The following TBC1D15 variants were observed in gnomAD, a reference collection of about 807,000 sequenced individuals.
TBC1D15 encodes the protein GAP for RAB7.
A neutral mutation model predicts 95.4 loss-of-function variants in TBC1D15; 39 were observed. That is an observed-to-expected ratio of 0.41 (90% CI 0.32 to 0.53). The LOEUF is 0.53. Ranked by LOEUF, TBC1D15 falls within the 20% of genes least tolerant of loss-of-function variation. The pLI, the probability that TBC1D15 is intolerant of heterozygous loss-of-function variation, is 0.29. For synonymous variants in TBC1D15, 258 were observed against 261.3 expected (o/e 0.99, Z 0.12); for missense variants, 733 against 794.3 (o/e 0.92, Z 0.93).
chr12:71,850,532 C>A, intron 1 of TBC1D15: 1 of 162,338 alleles, frequency 6.2e-6, no homozygotes. Flanking sequence ...TCCACCTCAG[C>A]CTCCCAGGTA....
At chr12:71,862,624 A>G (rs969277006) in intron 1 of TBC1D15, among the ~76,000 whole-genome samples, 4 of 152,166 alleles carry the variant, frequency 2.6e-5, no homozygotes, top group Non-Finnish European at 4.4e-5. Flanking sequence ...TGGGCAATTT[A>G]ATTTGTTTAC....
intron 1 of TBC1D15, among the ~76,000 whole-genome samples, chr12:71,855,315 A>G (rs1888780697): frequency 6.6e-6 from 1 of 152,200 alleles, no homozygotes; most frequent in Non-Finnish European, 1.5e-5. Flanking sequence ...GTCAAACCGT[A>G]TCATTTTGTG....
chr12:71,888,359 G>A (rs142366912), intron 5 of TBC1D15, among the ~76,000 whole-genome samples: 7 of 152,030 alleles, frequency 4.6e-5, no homozygotes, highest in Middle Eastern at 3.4e-3. Context: ...CCAGCTACTC[G>A]GGAGGCTGAG....
intron 1 of TBC1D15, among the ~76,000 whole-genome samples, chr12:71,857,108 T>G (rs1487525657): frequency 6.6e-6 from 1 of 152,020 alleles, no homozygotes; most frequent in Non-Finnish European, 1.5e-5. Context: ...TTAAATTTAT[T>G]ATTTTTTTTC....
rs1240554724 is a variant in TBC1D15 at position 71,894,419 on chromosome 12, G to A, written c.658-267G>A. On this transcript the variant is annotated intron_variant, in intron 6 of 16. Coordinates refer to ENST00000485960, the MANE Select transcript of TBC1D15 (RefSeq NM_001146213.3). ...TTCTGATGTATGCAGATTGAGTGAA[G>A]CCTGCAAATCATTTGTTTATCTGCA... 2.5e-6 allele frequency: 4 copies of A among 1,581,778 alleles called. No homozygotes were observed. In the South Asian group the frequency reaches 4.5e-5, roughly 18 times the overall value.
chr12:71,864,801 G>T (rs530620425), intron 1 of TBC1D15, among the ~76,000 whole-genome samples: 1 of 152,058 alleles, frequency 6.6e-6, no homozygotes, highest in East Asian at 1.9e-4. Flanking sequence ...CACCGTGCCC[G>T]GCCTACCTAC....
Position 71,893,314 on chromosome 12 carries a change from G to A in TBC1D15, c.647G>A (p.Gly216Asp), listed in dbSNP as rs754324319. ...AATCTTCTTGATGAGCCAGCATATG[G>A]TTTAATACAAGTATGTTCCTTAAAT... ...FENLLDEPAY[G>D]LIQKIKKDPY... The change falls in exon 6 of 17, where the codon GGT becomes GAT. Residue 216 changes from glycine to aspartate, a missense_variant. Coordinates refer to ENST00000485960, the MANE Select transcript of TBC1D15 (RefSeq NM_001146213.3). The A allele has an allele frequency of 6.8e-6, 11 of 1,606,476 alleles. No homozygotes were observed. The highest frequency in any genetic ancestry group is 1.7e-4 in the Middle Eastern group (1 of 5,900).
At chr12:71,909,431 C>A (rs1408976819) in intron 11 of TBC1D15, among the ~76,000 whole-genome samples, 2 of 151,976 alleles carry the variant, frequency 1.3e-5, no homozygotes, top group African/African-American at 4.8e-5. Flanking sequence ...CAAAAGCAGA[C>A]AAAAGAATTT....
intron 1 of TBC1D15, among the ~76,000 whole-genome samples, chr12:71,870,802 G>C (rs967841541): frequency 1.3e-5 from 2 of 152,146 alleles, no homozygotes; most frequent in South Asian, 4.1e-4. Flanking sequence ...TAAGGATTAA[G>C]TTACAATATA....
intron 12 of TBC1D15, among the ~76,000 whole-genome samples, chr12:71,914,217 A>C (rs901646604): frequency 6.6e-6 from 1 of 151,940 alleles, no homozygotes; most frequent in African/African-American, 2.4e-5. Flanking sequence ...ATATTGATAA[A>C]ATAGATGAAT....
At chr12:71,890,129 A>G (rs1029010920) in intron 5 of TBC1D15, among the ~76,000 whole-genome samples, 1 of 152,010 alleles carries the variant, frequency 6.6e-6, no homozygotes, top group Non-Finnish European at 1.5e-5. Context: ...TGTTCTTGTT[A>G]GTTAAGATTC....
chr12:71,886,757 G>A (rs1896306999), intron 5 of TBC1D15, among the ~76,000 whole-genome samples: 5 of 152,186 alleles, frequency 3.3e-5, no homozygotes, highest in Admixed American at 3.3e-4. Flanking sequence ...ACCTGTGATA[G>A]GTTACCATTG....
chr12:71,849,962 T>A (rs1887354415), intron 1 of TBC1D15: 1 of 525,908 alleles, frequency 1.9e-6, no homozygotes, highest in African/African-American at 2.0e-5. Flanking sequence ...TGATCCAGTA[T>A]TGCAGGAGTG....
At chr12:71,904,465 G>T (rs1900188900) in intron 10 of TBC1D15, among the ~76,000 whole-genome samples, 1 of 152,160 alleles carries the variant, frequency 6.6e-6, no homozygotes, top group African/African-American at 2.4e-5. Context: ...GGTTTTTAAT[G>T]ATGTTGAAAG....
At chr12:71,916,658 G>A (rs1903778046) in intron 12 of TBC1D15, among the ~76,000 whole-genome samples, 1 of 152,120 alleles carries the variant, frequency 6.6e-6, no homozygotes, top group Admixed American at 6.6e-5. Context: ...TTTCACTAGG[G>A]TTAGGGCGGT....
intron 10 of TBC1D15, among the ~76,000 whole-genome samples, chr12:71,905,263 T>A (rs1900408818): frequency 6.6e-6 from 1 of 152,212 alleles, no homozygotes; most frequent in Non-Finnish European, 1.5e-5. Flanking sequence ...ATATAAATTA[T>A]GCTTGAGTTA....
chr12:71,867,912 A>G (rs931546486), intron 1 of TBC1D15, among the ~76,000 whole-genome samples: 8 of 152,206 alleles, frequency 5.3e-5, no homozygotes, highest in Non-Finnish European at 1.0e-4. Flanking sequence ...AACAATTATC[A>G]CTAAGTGATT....
intron 4 of TBC1D15, among the ~76,000 whole-genome samples, chr12:71,883,769 A>C (rs936671254): frequency 6.6e-6 from 1 of 152,158 alleles, no homozygotes; most frequent in Non-Finnish European, 1.5e-5. Flanking sequence ...AAGGTTTTTT[A>C]AAATTTCAGA....
intron 10 of TBC1D15, 102 bp downstream of exon 10, chr12:71,898,043 A>G: frequency 2.6e-5 from 21 of 812,456 alleles, no homozygotes; most frequent in South Asian, 2.6e-4. Context: ...CTAGGGCTCA[A>G]AAGAGAAATC....
Sources: allele counts gnomAD v4.1 joint callset (sites outside exome capture counted in the v4.1 genomes callset), GRCh38; gene constraint gnomAD v4.1.1; transcripts MANE v1.5; gene names NCBI Gene and HGNC (gene_info 2026-07-23, HGNC 2026-07-21).